Variants in PRKACB observed in about 807,000 individuals in gnomAD.
PRKACB encodes the protein cAMP-dependent protein kinase catalytic subunit beta.
Under a neutral mutation model 51.4 loss-of-function variants are expected in PRKACB, and 16 were observed. That is an observed-to-expected ratio of 0.31 (90% confidence interval 0.21 to 0.47). The LOEUF (loss-of-function observed/expected upper bound fraction) is 0.47, where lower values mean the gene tolerates loss of function less well. Ranked by LOEUF, PRKACB falls within the 20% of genes least tolerant of loss-of-function variation. The pLI, the probability that PRKACB is intolerant of heterozygous loss-of-function variation, is 1.00. For synonymous variants in PRKACB, 147 were observed against 154.4 expected, an observed-to-expected ratio of 0.95 and a Z score of 0.35; for missense variants, 309 against 464.5, an observed-to-expected ratio of 0.67 and a Z score of 3.08.
chr1:84,130,913 A>G lies in PRKACB; in HGVS notation c.47-48264A>G, dbSNP rs182717125. On this transcript the variant is annotated intron_variant, in intron 1 of 8. Transcript: ENST00000370688. ...TTTTTCTCCTCTTAAGTTCATTAAGATATGTATAATGGTAGAAATAAAAAG... is the reference window on the plus strand; with the variant it reads ...TTTTTCTCCTCTTAAGTTCATTAAGGTATGTATAATGGTAGAAATAAAAAG... Among the ~76,000 whole-genome samples the G allele has an allele frequency of 1.6e-4, 25 of 152,350 alleles. No individual in the cohort carries two copies. In the East Asian group the frequency reaches 4.8e-3, roughly 29 times the overall value.
intron 1 of PRKACB, among the ~76,000 whole-genome samples, chr1:84,120,748 C>T (rs1165730463): frequency 3.3e-5 from 5 of 151,874 alleles, no homozygotes; most frequent in Non-Finnish European, 5.9e-5. Context: ...AATTGCTGTA[C>T]ATTTTTCTTT....
At chr1:84,144,098 ATAT>A (rs1653709469), upstream of PRKACB, among the ~76,000 whole-genome samples, 1 of 152,210 alleles carries the variant, frequency 6.6e-6, no homozygotes, top group African/African-American at 2.4e-5. Flanking sequence ...CTATATATTA[ATAT>A]TAAAACACCC....
chr1:84,181,451 A>G (rs1663436216), intron 2 of PRKACB, among the ~76,000 whole-genome samples: 1 of 152,048 alleles, frequency 6.6e-6, no homozygotes, highest in African/African-American at 2.4e-5. Flanking sequence ...GATGCCTCCA[A>G]TTATTTGCTT....
At chr1:84,097,787 A>AAAAAAC (rs1236759320) in intron 1 of PRKACB, among the ~76,000 whole-genome samples, 2 of 152,030 alleles carry the variant, frequency 1.3e-5, no homozygotes, top group Non-Finnish European at 2.9e-5. Flanking sequence ...AAAAGAAAAG[A>AAAAAAC]AAAAACAAAA....
intron 1 of PRKACB, among the ~76,000 whole-genome samples, chr1:84,128,381 G>T (rs1226218807): frequency 6.6e-6 from 1 of 151,916 alleles, no homozygotes; most frequent in African/African-American, 2.4e-5. Flanking sequence ...TGTTCATTTG[G>T]GTCTATAGCA....
At position 84,104,859 on chromosome 1, in the gene PRKACB, T is replaced by C. The variant is rs561014844; in HGVS notation, c.46+26488T>C. 5.6e-4 allele frequency among the ~76,000 whole-genome samples: 86 copies of C among 152,254 alleles called. 1 individual carries two copies. In the South Asian group the frequency reaches 0.017, roughly 30 times the overall value. ...ACAAATTTATTTAAACCTACAGGTT[T>C]TCCATGGAATAGAAGTTTATTCCTC... On this transcript the variant is annotated intron_variant, in intron 1 of 8. Coordinates refer to the PRKACB transcript ENST00000370688.
At chr1:84,180,208 A>ATATATATATATATG (rs933229907) in intron 2 of PRKACB, among the ~76,000 whole-genome samples, 12 of 129,936 alleles carry the variant, frequency 9.2e-5, no homozygotes, top group African/African-American at 3.2e-4. Context: ...ATATATATAT[A>ATATATATATATATG]TGTATGATGG....
chr1:84,190,426 G>A (rs1009721989), intron 5 of PRKACB, among the ~76,000 whole-genome samples: 7 of 151,710 alleles, frequency 4.6e-5, no homozygotes, highest in Non-Finnish European at 8.8e-5. Flanking sequence ...AGGCAGAGTC[G>A]TTATTTTAAG....
intron 9 of PRKACB, among the ~76,000 whole-genome samples, chr1:84,228,341 A>C (rs1291240054): frequency 1.3e-5 from 2 of 152,216 alleles, no homozygotes; most frequent in Non-Finnish European, 2.9e-5. Flanking sequence ...AGAATCATGA[A>C]TATGAAACCT....
At chr1:84,178,974 A>G in intron 1 of PRKACB, 1 of 443,506 alleles carries the variant, frequency 2.3e-6, no homozygotes, top group Non-Finnish European at 3.6e-6. Context: ...TTTATAGAAC[A>G]ATATTAGAGA....
In PRKACB at chr1:84,086,136, C is replaced by T. The variant is rs1647965670; in HGVS notation, c.46+7765C>T. 1.1e-5 allele frequency: 17 copies of T among 1,593,410 alleles called. No homozygotes were observed. In the South Asian group the frequency reaches 1.5e-4, roughly 14 times the overall value. On this transcript the variant is annotated intron_variant, in intron 1 of 8. Transcript: ENST00000370688. ...GAGTATGAGGTGTTGGTGGTGCCCA[C>T]TGTGCTGGCCATGAAGAATGGGGAT...
At chr1:84,138,280 A>G (rs1267098962) in intron 1 of PRKACB, among the ~76,000 whole-genome samples, 1 of 152,202 alleles carries the variant, frequency 6.6e-6, no homozygotes, top group African/African-American at 2.4e-5. Context: ...CATAGGAGGA[A>G]GTTGATGGAG....
intron 5 of PRKACB, among the ~76,000 whole-genome samples, chr1:84,195,308 A>G (rs894426422): frequency 6.6e-6 from 1 of 152,180 alleles, no homozygotes; most frequent in African/African-American, 2.4e-5. Context: ...TCTTTCAACA[A>G]ATATTTACTG....
intron 8 of PRKACB, among the ~76,000 whole-genome samples, chr1:84,209,355 T>C (rs1671800849): frequency 1.3e-5 from 2 of 152,134 alleles, no homozygotes; most frequent in Non-Finnish European, 2.9e-5. Context: ...GACAAGTTTT[T>C]GTCCTCTTTC....
intron 9 of PRKACB, among the ~76,000 whole-genome samples, chr1:84,223,361 T>G (rs184944277): frequency 5.8e-4 from 12 of 20,674 alleles, no homozygotes; most frequent in East Asian, 3.7e-3. Context: ...TGTTTGGTTG[T>G]TTTTTTTTGT....
At chr1:84,115,783 G>A (rs1316788880) in intron 1 of PRKACB, among the ~76,000 whole-genome samples, 3 of 150,320 alleles carry the variant, frequency 2.0e-5, no homozygotes, top group Non-Finnish European at 4.4e-5. Flanking sequence ...TTGAGAGGCT[G>A]AGGCAGGACA....
intron 1 of PRKACB, among the ~76,000 whole-genome samples, chr1:84,101,376 C>T (rs893741708): frequency 6.6e-6 from 1 of 152,158 alleles, no homozygotes; most frequent in Non-Finnish European, 1.5e-5. Flanking sequence ...CTACAAAATA[C>T]CTTCACAGCA....
intron 1 of PRKACB, 116 bp from the exon 2 acceptor site, chr1:84,179,061 T>C (rs1662301625): frequency 8.3e-7 from 1 of 1,203,352 alleles, no homozygotes; most frequent in South Asian, 1.6e-5. Context: ...ATACATTTTA[T>C]CACAATAGAT....
intron 5 of PRKACB, among the ~76,000 whole-genome samples, chr1:84,194,657 C>T (rs570463045): frequency 1.3e-5 from 2 of 152,258 alleles, no homozygotes; most frequent in African/African-American, 2.4e-5. Flanking sequence ...CACAGTGGCT[C>T]ATGTAAGCCT....
Sources: gnomAD v4.1 joint callset for allele counts (sites outside exome capture counted in the v4.1 genomes callset) on GRCh38, gnomAD v4.1.1 for gene constraint, MANE v1.5 for transcripts, NCBI Gene and HGNC (gene_info 2026-07-23, HGNC 2026-07-21) for gene names.